The following ANKRD28 variants were observed in gnomAD, a reference collection of about 807,000 sequenced individuals.
ANKRD28 encodes the protein serine/threonine-protein phosphatase 6 regulatory ankyrin repeat subunit A.
ANKRD28 carries 44 observed loss-of-function variants against 126.5 expected under a neutral mutation model. That is an observed-to-expected ratio of 0.35 (90% CI 0.27 to 0.45). The LOEUF is 0.45. ANKRD28 is among the 20% of genes least tolerant of loss of function. ANKRD28 has a pLI of 1.00. For synonymous variants in ANKRD28, 442 were observed against 468.5 expected (o/e 0.94, Z 0.73); for missense variants, 1,110 against 1,316.6 (o/e 0.84, Z 2.43).
intron 1 of ANKRD28, among the ~76,000 whole-genome samples, chr3:15,857,948 C>G (rs141976352): frequency 6.6e-6 from 1 of 152,338 alleles, no homozygotes; most frequent in South Asian, 2.1e-4. Flanking sequence ...AAACCCAGAT[C>G]TCGAGTTTCA....
intron 4 of ANKRD28, among the ~76,000 whole-genome samples, chr3:15,743,911 G>A (rs2057300042): frequency 6.6e-6 from 1 of 152,174 alleles, no homozygotes; most frequent in Non-Finnish European, 1.5e-5. Context: ...CACTGTGCTA[G>A]CTATTCTGTC....
intron 1 of ANKRD28, among the ~76,000 whole-genome samples, chr3:15,848,338 T>C (rs1196256750): frequency 2.6e-5 from 4 of 152,186 alleles, no homozygotes; most frequent in Admixed American, 2.6e-4. Context: ...TATACCCAAA[T>C]AGCTACCTTG....
chr3:15,706,439 A>G (rs1412824325), intron 14 of ANKRD28, among the ~76,000 whole-genome samples: 2 of 152,096 alleles, frequency 1.3e-5, no homozygotes, highest in Non-Finnish European at 2.9e-5. Context: ...TTATGGCTGC[A>G]TAGTATTCCA....
chr3:15,771,781 A>G (rs2059023826), intron 2 of ANKRD28, among the ~76,000 whole-genome samples: 1 of 152,212 alleles, frequency 6.6e-6, no homozygotes, highest in South Asian at 2.1e-4. Flanking sequence ...ATTTAGATAA[A>G]CCATATTCTG....
At position 15,726,479 on chromosome 3, in the gene ANKRD28, C is replaced by T. The variant is rs146083547; in HGVS notation, c.641-1955G>A. On this transcript the variant is annotated intron_variant, in intron 6 of 27. Coordinates refer to ENST00000683139, the MANE Select transcript of ANKRD28 (RefSeq NM_001349278.2). ...AAATTCGCTTATGCCAAAGCCTAAT[C>T]GAGAGCAAGGCCTCAACTTTCTTCA... Among the ~76,000 whole-genome samples the T allele has an allele frequency of 1.2e-3, 176 of 152,300 alleles. No individual in the cohort carries two copies. In the South Asian group the frequency reaches 0.012, roughly 11 times the overall value.
chr3:15,791,557 A>G (rs1222696203), intron 2 of ANKRD28, among the ~76,000 whole-genome samples: 1 of 152,150 alleles, frequency 6.6e-6, no homozygotes, highest in East Asian at 1.9e-4. Flanking sequence ...AACTGGATAA[A>G]CACATGCAAA....
chr3:15,859,184 G>C (rs1205491459), intron 1 of ANKRD28, among the ~76,000 whole-genome samples: 1 of 152,190 alleles, frequency 6.6e-6, no homozygotes, highest in Non-Finnish European at 1.5e-5. Context: ...GCTTCACCCA[G>C]GCCCCGGCAG....
intron 1 of ANKRD28, among the ~76,000 whole-genome samples, chr3:15,825,815 AC>A (rs2061053188): frequency 1.3e-5 from 2 of 152,182 alleles, no homozygotes; most frequent in African/African-American, 4.8e-5. Context: ...TTCACAAAAA[AC>A]ATCTAACTTG....
chr3:15,702,362 A>G (rs1375248115), intron 14 of ANKRD28, among the ~76,000 whole-genome samples: 2 of 152,202 alleles, frequency 1.3e-5, no homozygotes, highest in African/African-American at 4.8e-5. Context: ...TGGGGGCAGA[A>G]GAGTCTGTAT....
At chr3:15,859,291 G>A (rs2061852321) in intron 1 of ANKRD28, 1 of 1,492,606 alleles carries the variant, frequency 6.7e-7, no homozygotes. Context: ...CCGCCGAGCG[G>A]GCGTCCCAGC....
intron 8 of ANKRD28, among the ~76,000 whole-genome samples, chr3:15,718,661 T>C (rs1292174725): frequency 1.3e-5 from 2 of 151,866 alleles, no homozygotes; most frequent in South Asian, 2.1e-4. Context: ...TCTCTACCTT[T>C]TAAAGACAGC....
At chr3:15,677,160 T>C (rs2067022337) in intron 25 of ANKRD28, 104 bp from the exon 26 acceptor site, 2 of 862,780 alleles carry the variant, frequency 2.3e-6, no homozygotes, top group South Asian at 3.1e-5. Context: ...TACAACACCA[T>C]ACATATACCA....
At chr3:15,851,431 C>A (rs1272470492) in intron 1 of ANKRD28, among the ~76,000 whole-genome samples, 1 of 151,930 alleles carries the variant, frequency 6.6e-6, no homozygotes, top group South Asian at 2.1e-4. Flanking sequence ...GTACTCCCAG[C>A]TACTTGGGGG....
intron 2 of ANKRD28, among the ~76,000 whole-genome samples, chr3:15,784,871 G>A (rs1368896229): frequency 6.6e-6 from 1 of 152,004 alleles, no homozygotes; most frequent in Non-Finnish European, 1.5e-5. Context: ...TCCCCAACTA[G>A]AAAACAATTC....
At chr3:15,738,940 G>C (rs2125167883) in intron 4 of ANKRD28, 1 of 152,236 alleles carries the variant, frequency 6.6e-6, no homozygotes, top group East Asian at 1.9e-4. Context: ...TCTTTCTCAG[G>C]GATGTTCCTT....
At chr3:15,806,048 CAG>C (rs916697714) in intron 1 of ANKRD28, among the ~76,000 whole-genome samples, 23 of 152,262 alleles carry the variant, frequency 1.5e-4, no homozygotes, top group African/African-American at 5.1e-4. Context: ...AGTAATGACT[CAG>C]AGAGTTTTAG....
At chr3:15,761,368 T>G (rs182811168) in intron 3 of ANKRD28, among the ~76,000 whole-genome samples, 73 of 152,332 alleles carry the variant, frequency 4.8e-4, no homozygotes, top group Admixed American at 1.8e-3. Flanking sequence ...TCATGTATTT[T>G]TTTCTCATCT....
chr3:15,746,470 G>A (rs1454389699), intron 4 of ANKRD28, among the ~76,000 whole-genome samples: 1 of 152,158 alleles, frequency 6.6e-6, no homozygotes, highest in Middle Eastern at 3.2e-3. Flanking sequence ...GGATGATCAT[G>A]TGATATTTGT....
chr3:15,725,942 C>T (rs774412633), intron 6 of ANKRD28, among the ~76,000 whole-genome samples: 1 of 152,130 alleles, frequency 6.6e-6, no homozygotes, highest in Non-Finnish European at 1.5e-5. Flanking sequence ...ACTCGGGAGG[C>T]TGAGGCCCGA....
Sources: gnomAD v4.1 joint callset for allele counts (sites outside exome capture counted in the v4.1 genomes callset) on GRCh38, gnomAD v4.1.1 for gene constraint, MANE v1.5 for transcripts, NCBI Gene and HGNC (gene_info 2026-07-23, HGNC 2026-07-21) for gene names.